Variants in ZNF487 observed in about 807,000 individuals in gnomAD.
ZNF487 encodes the protein zinc finger protein 487.
In ZNF487, 4 loss-of-function variants were observed where a neutral mutation model predicts 3.0. The ratio of observed to expected loss-of-function variants is 1.35; its 90% CI spans 0.66 to 3.08. The LOEUF is 3.08. Ranked by LOEUF, ZNF487 falls within the 30% of genes most tolerant of loss-of-function variation. The pLI, the probability that ZNF487 is intolerant of heterozygous loss-of-function variation, is 0.01. For missense variants in ZNF487, 146 were observed against 98.7 expected, an observed-to-expected ratio of 1.48 and a Z score of -2.03; for synonymous variants, 55 against 34.6, an observed-to-expected ratio of 1.59 and a Z score of -2.06.
chr10:43,483,798 G>A (rs1370599629), downstream of ZNF487, among the ~76,000 whole-genome samples: 9 of 152,192 alleles, frequency 5.9e-5, no homozygotes, highest in Admixed American at 5.9e-4. Flanking sequence ...AAATTGCTGG[G>A]ATTACAGGTG....
chr10:43,440,296 C>T (rs573555439), intron 1 of ZNF487, among the ~76,000 whole-genome samples: 8 of 151,760 alleles, frequency 5.3e-5, no homozygotes, highest in South Asian at 4.2e-4. Context: ...GTAATACGCC[C>T]GCCTCGGCCT....
intron 1 of ZNF487, among the ~76,000 whole-genome samples, chr10:43,471,477 C>T (rs1057289205): frequency 6.6e-6 from 1 of 152,184 alleles, no homozygotes; most frequent in Non-Finnish European, 1.5e-5. Context: ...CTGGTGAGGA[C>T]AAAGGGCCAG....
At chr10:43,468,912 C>A (rs1287146190) in intron 1 of ZNF487, among the ~76,000 whole-genome samples, 1 of 146,290 alleles carries the variant, frequency 6.8e-6, no homozygotes, top group Non-Finnish European at 1.5e-5. Flanking sequence ...TGGTGTGAAC[C>A]CAGGAGGCAG....
downstream of ZNF487, among the ~76,000 whole-genome samples, chr10:43,486,419 G>C (rs746200569): frequency 6.6e-6 from 1 of 151,990 alleles, no homozygotes; most frequent in Non-Finnish European, 1.5e-5. Context: ...CCAGCTACTC[G>C]GGAGGCTGAG....
At chr10:43,468,985 T>G (rs570304797) in intron 1 of ZNF487, among the ~76,000 whole-genome samples, 1 of 49,742 alleles carries the variant, frequency 2.0e-5, no homozygotes, top group African/African-American at 9.8e-5. Context: ...TGAGACTCTA[T>G]CTCAAAAAAA....
chr10:43,477,873 TGG>T (rs1474284575), intron 3 of ZNF487, among the ~76,000 whole-genome samples: 3 of 150,690 alleles, frequency 2.0e-5, no homozygotes, highest in Non-Finnish European at 4.4e-5. Flanking sequence ...AAGCTTGAAC[TGG>T]GGCAGCAGAC....
In ZNF487 at chr10:43,482,811, C is replaced by A; in HGVS notation, c.*889C>A. On this transcript the variant is annotated 3_prime_UTR_variant, in exon 4 of 4. Transcript: ENST00000437590. Reference sequence around the variant, plus strand: ...AAAACTTAGAGAACATCAGAGAATTCACACAGGGGAGAAACCCTATGAATG... The same window carrying A: ...AAAACTTAGAGAACATCAGAGAATTAACACAGGGGAGAAACCCTATGAATG... 1 of 513,732 alleles carries A rather than the reference C, an allele frequency of 1.9e-6. No individual in the cohort carries two copies. The highest frequency in any genetic ancestry group is 1.5e-5 in the South Asian group (1 of 68,508). The allele number at this position is 513,732 out of a possible 1,614,324, so 31.8% of individuals were successfully genotyped here.
intron 1 of ZNF487, among the ~76,000 whole-genome samples, chr10:43,442,456 T>G (rs1236642647): frequency 6.6e-6 from 1 of 152,088 alleles, no homozygotes; most frequent in Non-Finnish European, 1.5e-5. Flanking sequence ...ATTTATTTAT[T>G]TTTTTGAGAC....
the ZNF487 span, among the ~76,000 whole-genome samples, chr10:43,522,400 C>T: frequency 1.3e-5 from 2 of 152,034 alleles, no homozygotes; most frequent in Non-Finnish European, 2.9e-5. Context: ...TGATTTACTA[C>T]TCATTCAGAT....
At chr10:43,455,035 G>T (rs1840129740) in intron 1 of ZNF487, among the ~76,000 whole-genome samples, 1 of 140,752 alleles carries the variant, frequency 7.1e-6, no homozygotes, top group Non-Finnish European at 1.5e-5. Flanking sequence ...TTTGGAGACA[G>T]TCTCGCTCTG....
At chr10:43,446,447 G>A (rs1347383287) in intron 1 of ZNF487, among the ~76,000 whole-genome samples, 12 of 150,008 alleles carry the variant, frequency 8.0e-5, no homozygotes, top group Non-Finnish European at 1.5e-4. Context: ...CAGGGTCGCC[G>A]CCGGGCAGAG....
the ZNF487 span, among the ~76,000 whole-genome samples, chr10:43,502,660 A>G: frequency 6.6e-6 from 1 of 152,230 alleles, no homozygotes; most frequent in Non-Finnish European, 1.5e-5. Context: ...GATGATGACA[A>G]TAAATGCCTA....
In ZNF487 at chr10:43,476,153, A is replaced by G; in HGVS notation, c.81A>G (p.Gly27=). 1.4e-6 allele frequency: 1 copy of G among 717,540 alleles called. No individual in the cohort carries two copies. Among genetic ancestry groups the G allele is most frequent in the Non-Finnish European group, 2.6e-6 (1 of 385,118 alleles). The allele number at this position is 717,540 out of a possible 1,614,324, so 44.4% of individuals were successfully genotyped here. ...AGGTGGTTTGCAAGTTGGAGCATGG[A>G]CAGGTGCTGTGGATATTAGAGGAAG... is the stretch of plus-strand genomic sequence containing the variant. ...KPEVVCKLEH[G]QVLWILEEES... is the part of the protein sequence containing the mutation. Residue 27 remains glycine (G), a synonymous_variant, in exon 3 of 4, where the codon GGA becomes GGG. Transcript: ENST00000437590.
chr10:43,481,412 CTTA>C lies in ZNF487; in HGVS notation c.131-8_131-6del, dbSNP rs1208710500. On this transcript the variant is annotated splice_polypyrimidine_tract_variant and intron_variant, in intron 3 of 3. Transcript: ENST00000437590. ...TGTTAACATTTATAATCTGTGATAA[CTTA>C]TTATTATTTCTAGACTGCTGCATAG... The C allele has an allele frequency of 1.0e-5, 7 of 682,986 alleles. 1 individual carries two copies. The East Asian group carries it at 1.6e-4, about 16-fold the overall frequency. The allele number at this position is 682,986 out of a possible 1,614,324, so 42.3% of individuals were successfully genotyped here.
intron 1 of ZNF487, among the ~76,000 whole-genome samples, chr10:43,464,943 C>G (rs1178712226): frequency 6.6e-6 from 1 of 151,712 alleles, no homozygotes; most frequent in Non-Finnish European, 1.5e-5. Flanking sequence ...CCAGTAGGGG[C>G]GGCCGGGCAG....
At chr10:43,446,218 C>T (rs975191391) in intron 1 of ZNF487, among the ~76,000 whole-genome samples, 20 of 152,192 alleles carry the variant, frequency 1.3e-4, no homozygotes, top group African/African-American at 3.6e-4. Flanking sequence ...GGGTGGTGGC[C>T]GGGCAGAGGG....
At chr10:43,445,259 G>C (rs1839757234) in intron 1 of ZNF487, among the ~76,000 whole-genome samples, 2 of 151,974 alleles carry the variant, frequency 1.3e-5, no homozygotes, top group African/African-American at 4.8e-5. Context: ...AAAGTGCTGG[G>C]ATTATAGGTG....
chr10:43,498,116 T>A, the ZNF487 span, among the ~76,000 whole-genome samples: 1,362 of 10,050 alleles, frequency 0.14, 63 homozygotes, highest in Non-Finnish European at 0.18. Flanking sequence ...TTTTTTTTCT[T>A]TTTTTTTTTT....
intron 1 of ZNF487, among the ~76,000 whole-genome samples, chr10:43,473,275 A>G (rs1840971361): frequency 6.6e-6 from 1 of 150,408 alleles, no homozygotes; most frequent in African/African-American, 2.4e-5. Flanking sequence ...ATTAGTAGAT[A>G]TGGGGTTTCA....
Sources: gnomAD v4.1 joint callset for allele counts (sites outside exome capture counted in the v4.1 genomes callset) on GRCh38, gnomAD v4.1.1 for gene constraint, MANE v1.5 for transcripts, NCBI Gene and HGNC (gene_info 2026-07-23, HGNC 2026-07-21) for gene names.